The following TMEM132B variants were observed in gnomAD, a reference collection of about 807,000 sequenced individuals.
TMEM132B encodes the protein transmembrane protein 132B.
A neutral mutation model predicts 90.8 loss-of-function variants in TMEM132B; 18 were observed. The ratio of observed to expected loss-of-function variants is 0.20; its 90% confidence interval spans 0.14 to 0.29. The LOEUF is 0.29. Among genes scored for constraint, TMEM132B ranks in the 10% least tolerant of loss-of-function variants. The pLI, the probability that TMEM132B is intolerant of heterozygous loss-of-function variation, is 1.00. For synonymous variants in TMEM132B, 504 were observed against 523.3 expected (o/e 0.96, Z 0.50); for missense variants, 1,096 against 1,326.8 (o/e 0.83, Z 2.70).
chr12:125,564,818 T>C (rs1884623585), intron 4 of TMEM132B, among the ~76,000 whole-genome samples: 1 of 152,162 alleles, frequency 6.6e-6, no homozygotes, highest in East Asian at 1.9e-4. Context: ...CACAAACATA[T>C]CTGAGAGACA....
chr12:125,239,834 C>A (rs1021197790), intron 1 of TMEM132B, among the ~76,000 whole-genome samples: 1 of 152,190 alleles, frequency 6.6e-6, no homozygotes, highest in East Asian at 1.9e-4. Context: ...GGAGAGCAGG[C>A]CTTGTGGTAC....
Position 125,464,331 on chromosome 12 carries a change from G to C in TMEM132B, c.1106+48654G>C, listed in dbSNP as rs150480767. ...AATGCCACATGTCTTCTTGGGGCAGGCCATCTCCCTCTTTAGCTTTTGGGT... is the reference window on the plus strand; with the variant it reads ...AATGCCACATGTCTTCTTGGGGCAGCCCATCTCCCTCTTTAGCTTTTGGGT... On this transcript the variant is annotated intron_variant, in intron 3 of 8. Coordinates refer to ENST00000682704, the MANE Select transcript of TMEM132B (RefSeq NM_001366854.1). Among the ~76,000 whole-genome samples the C allele has an allele frequency of 6.8e-3, 1,029 of 152,258 alleles. 15 individuals carry two copies. The highest frequency in any genetic ancestry group is 0.023 in the African/African-American group (958 of 41,540).
At chr12:125,282,027 CA>C (rs869083244) in intron 1 of TMEM132B, among the ~76,000 whole-genome samples, 28 of 16,090 alleles carry the variant, frequency 1.7e-3, no homozygotes, top group East Asian at 7.5e-3. Flanking sequence ...GACTCCGTCT[CA>C]AAAAAAAAAA....
At chr12:125,300,005 G>T (rs573414341) in intron 1 of TMEM132B, among the ~76,000 whole-genome samples, 1 of 152,194 alleles carries the variant, frequency 6.6e-6, no homozygotes, top group South Asian at 2.1e-4. Flanking sequence ...GCAGGGTCTG[G>T]CTCCCAGCTG....
At chr12:125,238,102 CTCT>C (rs1209689760) in intron 1 of TMEM132B, among the ~76,000 whole-genome samples, 2 of 152,104 alleles carry the variant, frequency 1.3e-5, no homozygotes, top group Admixed American at 6.5e-5. Context: ...GTAGTTCTTC[CTCT>C]TCTTCTCCTC....
At chr12:125,635,366 C>T (rs576108506) in intron 5 of TMEM132B, among the ~76,000 whole-genome samples, 1 of 152,090 alleles carries the variant, frequency 6.6e-6, no homozygotes, top group Non-Finnish European at 1.5e-5. Flanking sequence ...TGTTCAACTC[C>T]CACTTATGAG....
chr12:125,425,702 A>G (rs1421111976), intron 3 of TMEM132B, among the ~76,000 whole-genome samples: 5 of 152,136 alleles, frequency 3.3e-5, no homozygotes. Context: ...CTCATACAGT[A>G]TGTACTCTTT....
At chr12:125,194,040 G>C (rs1039161054) in intron 1 of TMEM132B, among the ~76,000 whole-genome samples, 1 of 152,210 alleles carries the variant, frequency 6.6e-6, no homozygotes, top group Non-Finnish European at 1.5e-5. Context: ...GTTCTTTGGA[G>C]TTGAATTCCA....
At chr12:125,565,171 C>T (rs949968393) in intron 4 of TMEM132B, among the ~76,000 whole-genome samples, 3 of 152,270 alleles carry the variant, frequency 2.0e-5, no homozygotes, top group South Asian at 2.1e-4. Context: ...CTGAAGTGAC[C>T]GAGCAGGATT....
At position 125,658,244 on chromosome 12, in the gene TMEM132B, CTAAG is replaced by C. The variant is rs1443600471; in HGVS notation, c.*3538_*3541del. 1.3e-5 allele frequency: 2 copies of C among 152,230 alleles called. No individual in the cohort carries two copies. The highest frequency in any genetic ancestry group is 4.8e-5 in the African/African-American group (2 of 41,462). 9.4% of individuals were successfully genotyped at this position (152,230 alleles called of 1,614,324 possible). ...TTTGTCCCATTGCCACATCTGTAGA[CTAAG>C]TAATTTTTAACTTGCTAACTTTTAG... On this transcript the variant is annotated 3_prime_UTR_variant, in exon 9 of 9. Coordinates refer to ENST00000682704, the MANE Select transcript of TMEM132B (RefSeq NM_001366854.1).
chr12:125,376,761 C>T (rs1038674964), intron 2 of TMEM132B, among the ~76,000 whole-genome samples: 2 of 152,228 alleles, frequency 1.3e-5, no homozygotes, highest in Admixed American at 6.5e-5. Context: ...TAAGGGGGAG[C>T]TGAGTGTGCC....
intron 3 of TMEM132B, among the ~76,000 whole-genome samples, chr12:125,497,746 A>G (rs895235530): frequency 6.6e-6 from 1 of 152,210 alleles, no homozygotes; most frequent in African/African-American, 2.4e-5. Context: ...TTATTGATCA[A>G]GCTAGGAGTT....
chr12:125,513,281 G>A (rs1488508628), intron 3 of TMEM132B, among the ~76,000 whole-genome samples: 1 of 152,200 alleles, frequency 6.6e-6, no homozygotes, highest in Non-Finnish European at 1.5e-5. Context: ...TCTAAGTGTG[G>A]GGGATACATT....
intron 2 of TMEM132B, among the ~76,000 whole-genome samples, chr12:125,395,384 G>T (rs1397939164): frequency 1.3e-5 from 2 of 152,200 alleles, no homozygotes; most frequent in East Asian, 3.8e-4. Context: ...TTTGAGTTAT[G>T]AATTGAATTT....
intron 1 of TMEM132B, among the ~76,000 whole-genome samples, chr12:125,194,706 G>A (rs1872887383): frequency 6.6e-6 from 1 of 151,716 alleles, no homozygotes; most frequent in Admixed American, 6.6e-5. Flanking sequence ...AGTGGGGTTG[G>A]GGGGCACCTG....
intron 3 of TMEM132B, among the ~76,000 whole-genome samples, chr12:125,455,105 T>C (rs1037898232): frequency 6.6e-5 from 10 of 151,590 alleles, no homozygotes; most frequent in South Asian, 2.1e-4. Context: ...TGATTCCTAA[T>C]TGGGGGGTAA....
At chr12:125,624,787 CAG>C (rs1687090371) in intron 5 of TMEM132B, among the ~76,000 whole-genome samples, 1 of 152,130 alleles carries the variant, frequency 6.6e-6, no homozygotes, top group Non-Finnish European at 1.5e-5. Flanking sequence ...CAATGTTTTC[CAG>C]AGTTACTTAG....
chr12:125,358,260 TA>T (rs1477154085), intron 2 of TMEM132B, among the ~76,000 whole-genome samples: 1 of 152,194 alleles, frequency 6.6e-6, no homozygotes, highest in African/African-American at 2.4e-5. Context: ...TTTTACTTTT[TA>T]AAAAATTTTT....
chr12:125,190,465 AAAG>A, intron 1 of TMEM132B, among the ~76,000 whole-genome samples: 1 of 68,034 alleles, frequency 1.5e-5, no homozygotes, highest in East Asian at 5.1e-4. Context: ...TGGGGATGGG[AAAG>A]GGGTGGTGGT....
Sources: gnomAD v4.1 joint callset for allele counts (sites outside exome capture counted in the v4.1 genomes callset) on GRCh38, gnomAD v4.1.1 for gene constraint, MANE v1.5 for transcripts, NCBI Gene and HGNC (gene_info 2026-07-23, HGNC 2026-07-21) for gene names.